Variants in INPP4B observed in about 807,000 individuals in gnomAD.
The protein encoded by INPP4B is inositol polyphosphate-4-phosphatase type II B.
A neutral mutation model predicts 122.5 loss-of-function variants in INPP4B; 55 were observed. That is an observed-to-expected ratio of 0.45 (90% CI 0.36 to 0.56). The LOEUF is 0.56. Among genes scored for constraint, INPP4B ranks in the 20% least tolerant of loss-of-function variants. The pLI is 0.00. For missense variants in INPP4B, 1,000 were observed against 1,097.7 expected, an observed-to-expected ratio of 0.91 and a Z score of 1.26; for synonymous variants, 403 against 388.7, an observed-to-expected ratio of 1.04 and a Z score of -0.43.
chr4:142,726,479 T>C (rs1352374610), intron 1 of INPP4B, among the ~76,000 whole-genome samples: 1 of 152,186 alleles, frequency 6.6e-6, no homozygotes, highest in Non-Finnish European at 1.5e-5. Flanking sequence ...AGGAAAGTAC[T>C]TTATCGAAGT....
chr4:142,354,514 C>T (rs1380817404), intron 7 of INPP4B, among the ~76,000 whole-genome samples: 1 of 151,908 alleles, frequency 6.6e-6, no homozygotes, highest in African/African-American at 2.4e-5. Context: ...CCGGCCAGAA[C>T]AATTCAGATG....
At chr4:142,176,116 C>T (rs966814260) in intron 15 of INPP4B, among the ~76,000 whole-genome samples, 49 of 50,772 alleles carry the variant, frequency 9.7e-4, no homozygotes, top group African/African-American at 2.5e-3. Context: ...TGACTGCTTT[C>T]TTTTATTATT....
chr4:142,641,583 T>C (rs914978177), intron 2 of INPP4B, among the ~76,000 whole-genome samples: 13 of 152,170 alleles, frequency 8.5e-5, no homozygotes, highest in African/African-American at 3.1e-4. Context: ...TTCATGTCCC[T>C]ACAAAGGACA....
intron 2 of INPP4B, among the ~76,000 whole-genome samples, chr4:142,687,171 G>A (rs10020322): frequency 1.3e-5 from 2 of 151,908 alleles, no homozygotes; most frequent in African/African-American, 4.8e-5. Context: ...TGAATTGACC[G>A]ACTGACGAGG....
chr4:142,457,007 C>A (rs1048004862), intron 3 of INPP4B, among the ~76,000 whole-genome samples: 12 of 151,888 alleles, frequency 7.9e-5, no homozygotes, highest in Non-Finnish European at 1.0e-4. Context: ...CATACATAAT[C>A]AATTATTTTT....
At chr4:142,050,776 C>A (rs1160708853) in intron 25 of INPP4B, among the ~76,000 whole-genome samples, 1 of 151,890 alleles carries the variant, frequency 6.6e-6, no homozygotes, top group Admixed American at 6.6e-5. Context: ...ATGTTAAATA[C>A]CATCATCCCT....
At chr4:142,049,999 G>A (rs1317895875) in intron 25 of INPP4B, among the ~76,000 whole-genome samples, 1 of 151,850 alleles carries the variant, frequency 6.6e-6, no homozygotes, top group African/African-American at 2.4e-5. Flanking sequence ...TCAACTAAAG[G>A]CCTATGTTCT....
intron 9 of INPP4B, among the ~76,000 whole-genome samples, chr4:142,285,452 T>C (rs563106843): frequency 1.9e-4 from 29 of 152,032 alleles, no homozygotes; most frequent in Non-Finnish European, 2.2e-4. Flanking sequence ...AGATATACCA[T>C]GAAGGGAGGT....
At chr4:142,383,235 A>G (rs1466611672) in intron 7 of INPP4B, among the ~76,000 whole-genome samples, 3 of 152,146 alleles carry the variant, frequency 2.0e-5, no homozygotes, top group African/African-American at 7.2e-5. Context: ...AAATTTACTT[A>G]TAGCTGTTAA....
At chr4:142,435,474 T>A (rs1399848695) in intron 3 of INPP4B, among the ~76,000 whole-genome samples, 1 of 9,138 alleles carries the variant, frequency 1.1e-4, no homozygotes. Context: ...AGGAATTTAT[T>A]TGGGGGAGGG....
chr4:142,205,680 C>A (rs973537459), intron 14 of INPP4B, among the ~76,000 whole-genome samples: 55 of 152,098 alleles, frequency 3.6e-4, no homozygotes, highest in Non-Finnish European at 2.9e-5. Flanking sequence ...GCAGACTCAG[C>A]TCATGTAAAA....
intron 11 of INPP4B, among the ~76,000 whole-genome samples, chr4:142,240,188 C>T (rs903535574): frequency 6.6e-6 from 1 of 150,814 alleles, no homozygotes; most frequent in Non-Finnish European, 1.5e-5. Flanking sequence ...CAGGAGCATG[C>T]CAGTTTTTTT....
At chr4:142,210,703 T>C (rs796545534) in intron 12 of INPP4B, among the ~76,000 whole-genome samples, 3 of 152,354 alleles carry the variant, frequency 2.0e-5, no homozygotes, top group African/African-American at 7.2e-5. Flanking sequence ...GCTTTCAGTA[T>C]ACAGTTATAA....
At chr4:142,150,149 C>T (rs1206983001) in intron 17 of INPP4B, among the ~76,000 whole-genome samples, 1 of 152,152 alleles carries the variant, frequency 6.6e-6, no homozygotes, top group Non-Finnish European at 1.5e-5. Context: ...GGGGAAATGC[C>T]TTATGCCTAG....
intron 3 of INPP4B, among the ~76,000 whole-genome samples, chr4:142,461,453 A>T (rs754953482): frequency 6.6e-6 from 1 of 152,316 alleles, no homozygotes; most frequent in Admixed American, 6.5e-5. Context: ...CTTTTGCTCC[A>T]GTTGTTCTTG....
At chr4:142,174,251 G>A (rs1826955853) in intron 15 of INPP4B, among the ~76,000 whole-genome samples, 1 of 152,090 alleles carries the variant, frequency 6.6e-6, no homozygotes, top group Admixed American at 6.6e-5. Flanking sequence ...GTGACTTTGG[G>A]CAGCCTTCTT....
chr4:142,605,763 G>T (rs543080645), intron 2 of INPP4B, among the ~76,000 whole-genome samples: 18 of 151,818 alleles, frequency 1.2e-4, no homozygotes, highest in Admixed American at 1.1e-3. Flanking sequence ...CAAGACAGGT[G>T]ATAATGCAGA....
chr4:142,071,720 C>T (rs1231648829), intron 25 of INPP4B, among the ~76,000 whole-genome samples: 1 of 152,030 alleles, frequency 6.6e-6, no homozygotes, highest in Non-Finnish European at 1.5e-5. Context: ...TATGCAGCTA[C>T]AGACACATGA....
At chr4:142,403,758 T>C (rs1304456939) in intron 6 of INPP4B, among the ~76,000 whole-genome samples, 1 of 152,198 alleles carries the variant, frequency 6.6e-6, no homozygotes, top group Non-Finnish European at 1.5e-5. Flanking sequence ...TAATTGTCTA[T>C]GGAAATTTCT....
Sources: allele counts gnomAD v4.1 joint callset (sites outside exome capture counted in the v4.1 genomes callset), GRCh38; gene constraint gnomAD v4.1.1; transcripts MANE v1.5; gene names NCBI Gene and HGNC (gene_info 2026-07-23, HGNC 2026-07-21).